Variants in RIMS2 observed in about 807,000 individuals in gnomAD.
RIMS2 encodes the protein regulating synaptic membrane exocytosis 2.
A neutral mutation model predicts 174.4 loss-of-function variants in RIMS2; 59 were observed. The ratio of observed to expected loss-of-function variants is 0.34; its 90% CI spans 0.27 to 0.42. RIMS2 has a LOEUF of 0.42. Ranked by LOEUF, RIMS2 falls within the 10% of genes least tolerant of loss-of-function variation. The pLI, the probability that RIMS2 is intolerant of heterozygous loss-of-function variation, is 1.00. For missense variants in RIMS2, 1,620 were observed against 1,666.3 expected, an observed-to-expected ratio of 0.97 and a Z score of 0.48; for synonymous variants, 606 against 572.5, an observed-to-expected ratio of 1.06 and a Z score of -0.84.
chr8:103,681,264 G>A (rs2096876911), intron 1 of RIMS2, among the ~76,000 whole-genome samples: 1 of 151,984 alleles, frequency 6.6e-6, no homozygotes, highest in African/African-American at 2.4e-5. Context: ...AATGATAACA[G>A]CATCTATTTA....
intron 1 of RIMS2, among the ~76,000 whole-genome samples, chr8:103,552,253 T>G (rs201365279): frequency 6.6e-6 from 1 of 151,978 alleles, no homozygotes; most frequent in Non-Finnish European, 1.5e-5. Flanking sequence ...CCAAAACAGA[T>G]ATATAGACCA....
At chr8:104,114,808 T>A (rs2098253153) in intron 19 of RIMS2, among the ~76,000 whole-genome samples, 1 of 152,014 alleles carries the variant, frequency 6.6e-6, no homozygotes, top group South Asian at 2.1e-4. Context: ...TTATTCAATT[T>A]TTATAATCAT....
intron 19 of RIMS2, among the ~76,000 whole-genome samples, chr8:104,155,371 G>T (rs1463118460): frequency 1.3e-5 from 2 of 148,190 alleles, no homozygotes; most frequent in Middle Eastern, 3.7e-3. Context: ...CTCCCAAAGT[G>T]CTGGGATAAC....
intron 3 of RIMS2, among the ~76,000 whole-genome samples, chr8:103,875,603 T>A (rs549479697): frequency 6.6e-6 from 1 of 152,078 alleles, no homozygotes; most frequent in Non-Finnish European, 1.5e-5. Context: ...TAATGACTTA[T>A]TTTCCTTTGG....
intron 1 of RIMS2, among the ~76,000 whole-genome samples, chr8:103,553,163 A>G (rs1848828026): frequency 6.6e-6 from 1 of 152,116 alleles, no homozygotes; most frequent in African/African-American, 2.4e-5. Context: ...TTATTGTGGC[A>G]CTATTTACAA....
At chr8:103,781,114 C>T (rs1404543919) in intron 3 of RIMS2, among the ~76,000 whole-genome samples, 2 of 152,156 alleles carry the variant, frequency 1.3e-5, no homozygotes, top group Admixed American at 6.6e-5. Context: ...TAGCATGGTG[C>T]TGTGGAATAG....
At chr8:103,535,080 A>G (rs1421863294) in intron 1 of RIMS2, among the ~76,000 whole-genome samples, 3 of 152,228 alleles carry the variant, frequency 2.0e-5, no homozygotes, top group Admixed American at 1.3e-4. Context: ...GCCTTTGAAT[A>G]TAAATTGTTA....
intron 17 of RIMS2, among the ~76,000 whole-genome samples, chr8:103,992,149 C>G (rs372029631): frequency 6.6e-6 from 1 of 152,132 alleles, no homozygotes; most frequent in African/African-American, 2.4e-5. Context: ...CACTGGGTCA[C>G]CCAGGCTGGA....
chr8:103,645,825 G>A (rs886323685), intron 1 of RIMS2, among the ~76,000 whole-genome samples: 3 of 151,960 alleles, frequency 2.0e-5, no homozygotes, highest in Non-Finnish European at 4.4e-5. Flanking sequence ...TTTAATAAAG[G>A]AATATTAAAA....
intron 19 of RIMS2, among the ~76,000 whole-genome samples, chr8:104,017,745 T>C (rs1209151813): frequency 6.6e-6 from 1 of 152,216 alleles, no homozygotes; most frequent in East Asian, 1.9e-4. Flanking sequence ...TTATTTACTT[T>C]TCTATAGCAT....
At chr8:104,079,396 T>C (rs1451413672) in intron 19 of RIMS2, among the ~76,000 whole-genome samples, 7 of 151,730 alleles carry the variant, frequency 4.6e-5, no homozygotes, top group Non-Finnish European at 8.8e-5. Flanking sequence ...ACTTCATCTT[T>C]GCTTTCATCA....
chr8:104,199,253 G>A (rs1208657156), intron 19 of RIMS2, among the ~76,000 whole-genome samples: 4 of 151,758 alleles, frequency 2.6e-5, no homozygotes, highest in Admixed American at 6.6e-5. Flanking sequence ...TAATAGAGAC[G>A]GGGTTTCACA....
intron 2 of RIMS2, among the ~76,000 whole-genome samples, chr8:103,745,327 C>T (rs944624735): frequency 6.6e-6 from 1 of 152,134 alleles, no homozygotes; most frequent in African/African-American, 2.4e-5. Context: ...GGCTGAATTA[C>T]ATTCCATTGT....
intron 19 of RIMS2, among the ~76,000 whole-genome samples, chr8:104,236,046 T>TA (rs557021041): frequency 2.6e-3 from 396 of 151,250 alleles, no homozygotes; most frequent in Non-Finnish European, 4.5e-3. Context: ...AACTGTCTTG[T>TA]AGAATGTCCA....
At chr8:104,179,166 A>C (rs2098924879) in intron 19 of RIMS2, among the ~76,000 whole-genome samples, 1 of 152,028 alleles carries the variant, frequency 6.6e-6, no homozygotes. Flanking sequence ...AACAATAAGA[A>C]TACCTCAGGT....
At chr8:103,585,041 A>G (rs1272866872) in intron 1 of RIMS2, among the ~76,000 whole-genome samples, 1 of 152,206 alleles carries the variant, frequency 6.6e-6, no homozygotes, top group African/African-American at 2.4e-5. Flanking sequence ...GGAAAAAGAT[A>G]TTCCATGTCA....
chr8:103,652,102 A>G (rs994834512), intron 1 of RIMS2, 103 bp from the exon 2 acceptor site: 1 of 431,878 alleles, frequency 2.3e-6, no homozygotes, highest in East Asian at 6.7e-5. Context: ...GTCTTTCTAT[A>G]TAAAATTCTT....
chr8:103,516,120 T>C (rs1313100403), intron 1 of RIMS2, among the ~76,000 whole-genome samples: 1 of 152,032 alleles, frequency 6.6e-6, no homozygotes, highest in African/African-American at 2.4e-5. Context: ...AAATGAGAGG[T>C]TCTGTATTAT....
intron 17 of RIMS2, among the ~76,000 whole-genome samples, chr8:104,010,078 C>T (rs1468589463): frequency 6.6e-6 from 1 of 152,052 alleles, no homozygotes; most frequent in Non-Finnish European, 1.5e-5. Flanking sequence ...AGAGTTCCCA[C>T]TACTAGAGGG....
Sources: gnomAD v4.1 joint callset for allele counts (sites outside exome capture counted in the v4.1 genomes callset) on GRCh38, gnomAD v4.1.1 for gene constraint, MANE v1.5 for transcripts, NCBI Gene and HGNC (gene_info 2026-07-23, HGNC 2026-07-21) for gene names.